The following L3MBTL4 variants were observed in gnomAD, a reference collection of about 807,000 sequenced individuals.
The protein encoded by L3MBTL4 is lethal(3)malignant brain tumor-like protein 4.
L3MBTL4 carries 70 observed loss-of-function variants against 84.5 expected under a neutral mutation model. That is an observed-to-expected ratio of 0.83 (90% CI 0.68 to 1.01). The LOEUF (loss-of-function observed/expected upper bound fraction) is 1.01, where lower values mean the gene tolerates loss of function less well. Ranked by LOEUF, L3MBTL4 falls within the 50% of genes least tolerant of loss-of-function variation. The pLI is 0.00. For synonymous variants in L3MBTL4, 274 were observed against 259.8 expected (o/e 1.05, Z -0.52); for missense variants, 715 against 754.8 (o/e 0.95, Z 0.62).
chr18:6,385,073 T>C (rs1048142729), intron 1 of L3MBTL4, among the ~76,000 whole-genome samples: 13 of 152,048 alleles, frequency 8.5e-5, no homozygotes, highest in South Asian at 2.1e-4. Context: ...CAAAGCAAAA[T>C]ATCTCACTAT....
intron 14 of L3MBTL4, among the ~76,000 whole-genome samples, chr18:6,137,130 G>A (rs78998552): frequency 0.011 from 1,662 of 152,266 alleles, 47 homozygotes; most frequent in African/African-American, 0.038. Context: ...TTGAGTTACT[G>A]CAGACTCCTT....
chr18:6,217,627 T>C (rs1329087888), intron 10 of L3MBTL4, among the ~76,000 whole-genome samples: 2 of 152,224 alleles, frequency 1.3e-5, no homozygotes, highest in Non-Finnish European at 2.9e-5. Context: ...TATACATTTA[T>C]GTTGGAATGC....
intron 4 of L3MBTL4, among the ~76,000 whole-genome samples, chr18:6,298,767 G>A (rs1025437158): frequency 2.6e-5 from 4 of 151,978 alleles, no homozygotes; most frequent in African/African-American, 9.7e-5. Flanking sequence ...CCAGTTACTC[G>A]GGAGGCTGAG....
intron 1 of L3MBTL4, among the ~76,000 whole-genome samples, chr18:6,332,618 C>T (rs769245716): frequency 1.3e-5 from 2 of 152,142 alleles, no homozygotes; most frequent in Non-Finnish European, 2.9e-5. Flanking sequence ...CTGTTAGATT[C>T]ATAGAATGTA....
chr18:6,362,498 G>A (rs1255607423), intron 1 of L3MBTL4, among the ~76,000 whole-genome samples: 1 of 152,136 alleles, frequency 6.6e-6, no homozygotes, highest in Non-Finnish European at 1.5e-5. Flanking sequence ...CCTGGGTCTA[G>A]TGGAGGATGG....
intron 16 of L3MBTL4, chr18:6,046,755 C>T (rs755904607): frequency 2.5e-5 from 19 of 774,968 alleles, no homozygotes; most frequent in Non-Finnish European, 4.3e-5. Flanking sequence ...AGCACAAGCA[C>T]TGTGAAGAGA....
At chr18:6,177,379 A>G (rs58784439) in intron 12 of L3MBTL4, among the ~76,000 whole-genome samples, 4,872 of 152,284 alleles carry the variant, frequency 0.032, 276 homozygotes, top group African/African-American at 0.11. Context: ...TGCATGCTGC[A>G]TGACCCCACT....
rs58258962 is a variant in L3MBTL4, at chr18:5,986,513, G to A, written c.1445-16951C>T. Among the ~76,000 whole-genome samples the A allele has an allele frequency of 0.013, 2,018 of 152,312 alleles. 100 individuals carry two copies. The East Asian group carries it at 0.15, about 11-fold the overall frequency. On this transcript the variant is annotated intron_variant, in intron 16 of 18. Coordinates refer to ENST00000317931, the MANE Select transcript of L3MBTL4 (RefSeq NM_001330559.2). Reference sequence around the variant, plus strand: ...AACATTCCTTGGGAGCTTCTAGCTTGGAGCTTTCATCTCCCTTCATTGCCT... The same window carrying A: ...AACATTCCTTGGGAGCTTCTAGCTTAGAGCTTTCATCTCCCTTCATTGCCT...
intron 1 of L3MBTL4, among the ~76,000 whole-genome samples, chr18:6,402,009 T>C (rs1055167130): frequency 6.6e-6 from 1 of 152,236 alleles, no homozygotes; most frequent in Non-Finnish European, 1.5e-5. Flanking sequence ...TCTAAGCCCA[T>C]AGCTTCAAGT....
intron 16 of L3MBTL4, among the ~76,000 whole-genome samples, chr18:6,041,371 G>A (rs2056390953): frequency 6.6e-6 from 1 of 152,030 alleles, no homozygotes; most frequent in South Asian, 2.1e-4. Context: ...AGCACCCATT[G>A]GGGTCTTCAA....
chr18:6,316,958 A>G (rs1326963337), intron 1 of L3MBTL4, among the ~76,000 whole-genome samples: 2 of 152,156 alleles, frequency 1.3e-5, no homozygotes, highest in African/African-American at 4.8e-5. Flanking sequence ...ACTGGCCTGA[A>G]GCTTTAACTA....
chr18:6,183,988 C>A (rs2044605351), intron 12 of L3MBTL4, among the ~76,000 whole-genome samples: 1 of 152,084 alleles, frequency 6.6e-6, no homozygotes, highest in African/African-American at 2.4e-5. Flanking sequence ...GAACCTTGAA[C>A]AACATGATGG....
At chr18:6,383,649 A>C (rs1021061048) in intron 1 of L3MBTL4, among the ~76,000 whole-genome samples, 10 of 152,110 alleles carry the variant, frequency 6.6e-5, no homozygotes, top group Admixed American at 3.3e-4. Context: ...CCCACTGTCC[A>C]ACCAATCCCA....
At chr18:6,053,078 A>G (rs775302017) in intron 16 of L3MBTL4, among the ~76,000 whole-genome samples, 12 of 152,202 alleles carry the variant, frequency 7.9e-5, no homozygotes, top group Non-Finnish European at 2.9e-5. Flanking sequence ...CTATTTTTAA[A>G]TGGTAGAAGG....
intron 15 of L3MBTL4, among the ~76,000 whole-genome samples, chr18:6,083,494 G>A (rs2058150567): frequency 6.6e-6 from 1 of 152,132 alleles, no homozygotes; most frequent in Non-Finnish European, 1.5e-5. Context: ...AAGTCACAGA[G>A]GAATTTGTAT....
chr18:6,370,222 G>A (rs1237986033), intron 1 of L3MBTL4, among the ~76,000 whole-genome samples: 4 of 151,904 alleles, frequency 2.6e-5, no homozygotes, highest in East Asian at 1.9e-4. Context: ...ATTTTTATCC[G>A]GTCGGTCTTC....
intron 15 of L3MBTL4, among the ~76,000 whole-genome samples, chr18:6,085,633 C>G (rs1902181): frequency 1.3e-5 from 2 of 152,180 alleles, no homozygotes; most frequent in African/African-American, 4.8e-5. Context: ...CATTCTCCTT[C>G]CTGACACCCT....
At chr18:5,984,532 GT>G (rs779349451) in intron 16 of L3MBTL4, among the ~76,000 whole-genome samples, 7 of 152,204 alleles carry the variant, frequency 4.6e-5, no homozygotes, top group Admixed American at 2.0e-4. Context: ...TTATGTTGCT[GT>G]CACAATGCAG....
intron 17 of L3MBTL4, among the ~76,000 whole-genome samples, chr18:5,963,716 T>C (rs2052184149): frequency 6.6e-6 from 1 of 152,236 alleles, no homozygotes; most frequent in South Asian, 2.1e-4. Context: ...TACAAATAAA[T>C]TGTATTTTGA....
Sources: gnomAD v4.1 joint callset for allele counts (sites outside exome capture counted in the v4.1 genomes callset) on GRCh38, gnomAD v4.1.1 for gene constraint, MANE v1.5 for transcripts, NCBI Gene and HGNC (gene_info 2026-07-23, HGNC 2026-07-21) for gene names.